The following BSCL2 variants were observed in gnomAD, a reference collection of about 807,000 sequenced individuals.
The protein encoded by BSCL2 is seipin.
Under a neutral mutation model 57.4 loss-of-function variants are expected in BSCL2, and 41 were observed. The observed-to-expected ratio is 0.71, with a 90% CI of 0.56 to 0.93. The LOEUF is 0.93. BSCL2 is among the 40% of genes least tolerant of loss of function. The pLI is 0.00. For synonymous variants in BSCL2, 237 were observed against 227.3 expected, an observed-to-expected ratio of 1.04 and a Z score of -0.38; for missense variants, 539 against 586.7, an observed-to-expected ratio of 0.92 and a Z score of 0.84.
At chr11:62,708,515 G>A, upstream of BSCL2, 1 of 1,231,120 alleles carries the variant, frequency 8.1e-7, no homozygotes, top group Admixed American at 1.9e-5. Context: ...GGAGGAGTCT[G>A]GGGCTCTGTA....
chr11:62,707,635 A>G (rs2083564849), upstream of BSCL2: 1 of 480,466 alleles, frequency 2.1e-6, no homozygotes, highest in African/African-American at 2.0e-5. Context: ...AGGCTCCCCC[A>G]CTGGCCAGGC....
rs374089937 is a variant in BSCL2, at chr11:62,706,285, G to C, written c.88-668C>G. 11 of 1,108,400 alleles carry C rather than the reference G, an allele frequency of 9.9e-6. No homozygotes were observed. The African/African-American group carries it at 1.4e-4, about 14-fold the overall frequency. The allele number at this position is 1,108,400 out of a possible 1,614,324, so 68.7% of individuals were successfully genotyped here. A position where few individuals can be genotyped will look rare whatever the true frequency, so the allele number is the denominator to read the frequency against. ...AGCCTCGCGCGCTGCCAGGGCAACC[G>C]TGAGACGGGACTTCCGGCTCCCGGG... is the stretch of plus-strand genomic sequence containing the variant. On this transcript the variant is annotated intron_variant, in intron 1 of 10. Coordinates refer to ENST00000360796, the MANE Select transcript of BSCL2 (RefSeq NM_001122955.4).
intron 3 of BSCL2, among the ~76,000 whole-genome samples, chr11:62,700,309 T>C (rs1369763647): frequency 6.6e-6 from 1 of 151,994 alleles, no homozygotes; most frequent in East Asian, 1.9e-4. Flanking sequence ...TGTGACATTC[T>C]ATCATTACAT....
At position 62,705,605 on chromosome 11, in the gene BSCL2, C is replaced by T. The variant is rs767605984; in HGVS notation, c.100G>A (p.Ala34Thr). The T allele has an allele frequency of 1.2e-5, 19 of 1,537,206 alleles. No individual in the cohort carries two copies. Among genetic ancestry groups the T allele is most frequent in the Non-Finnish European group, 1.5e-5 (17 of 1,137,772 alleles). The part of the protein sequence containing the change: ...GPDKEEEPPA[A>T]ASHGQGWRPG... ...CGCCACCCCTGGCCATGGGATGCAG[C>T]AGCTGGTGGTTCCTGGAAAGAGAGG... The change falls in exon 2 of 11, where the codon GCT (alanine) becomes ACT (threonine). Residue 34 changes from alanine to threonine, a missense_variant. This residue lies in a region of BSCL2 where 218 missense variants were observed against 224.8 expected (regional missense o/e 0.97). Coordinates refer to ENST00000360796, the MANE Select transcript of BSCL2 (RefSeq NM_001122955.4).
rs766061024 is a variant in BSCL2 at position 62,691,423 on chromosome 11, T to C, written c.864-2A>G. ...ATCGGGAAGTTGTATAGCAGGTATC[T>C]GAGGCAGGAAGTAGGGACAAGAAGG... On this transcript the variant is annotated splice_acceptor_variant, in intron 6 of 10. Transcript: ENST00000360796. LOFTEE classifies it high-confidence loss of function. 2 of 1,614,176 alleles carry C rather than the reference T, an allele frequency of 1.2e-6. No homozygotes were observed. Among genetic ancestry groups the C allele is most frequent in the East Asian group, 4.5e-5 (2 of 44,884 alleles).
rs192538368 is a variant in BSCL2, at chr11:62,694,082, G to A, written c.630+486C>T. On this transcript the variant is annotated intron_variant, in intron 4 of 10. Coordinates refer to ENST00000360796, the MANE Select transcript of BSCL2 (RefSeq NM_001122955.4). ...ACCCGCCTCGGCCTCCCAGAGTGTT[G>A]GGATTACAGGCATGAGCCACTGCGC... Among the ~76,000 whole-genome samples the A allele has an allele frequency of 4.1e-4, 62 of 151,748 alleles. No individual in the cohort carries two copies. The East Asian group carries it at 9.3e-3, about 23-fold the overall frequency.
Position 62,705,630 on chromosome 11 carries a change from G to A in BSCL2, c.88-13C>T. On this transcript the variant is annotated splice_polypyrimidine_tract_variant and intron_variant, in intron 1 of 10. Transcript: ENST00000360796. ...CAGCTGGTGGTTCCTGGAAAGAGAG[G>A]GTGAGGGAAAAGAGTGACTCCTTTC... 6.7e-7 allele frequency: 1 copy of A among 1,501,038 alleles called. No homozygotes were observed. The highest frequency in any genetic ancestry group is 2.4e-5 in the East Asian group (1 of 41,202). The allele number at this position is 1,501,038 out of a possible 1,614,324, so 93.0% of individuals were successfully genotyped here. A position where few individuals can be genotyped will look rare whatever the true frequency, so the allele number is the denominator to read the frequency against.
At chr11:62,706,295 A>C in intron 1 of BSCL2, 1 of 1,118,256 alleles carries the variant, frequency 8.9e-7, no homozygotes, top group Non-Finnish European at 1.1e-6. Context: ...GTGAGACGGG[A>C]CTTCCGGCTC....
chr11:62,707,465 G>A, upstream of BSCL2: 2 of 679,448 alleles, frequency 2.9e-6, no homozygotes, highest in Admixed American at 4.1e-5. Context: ...CCACTGCAGG[G>A]GCCGTCATAG....
rs201493373 is a variant in BSCL2 at position 62,705,581 on chromosome 11, G to A, written c.124C>T (p.Arg42Cys). 8.4e-4 allele frequency: 1,319 copies of A among 1,566,712 alleles called. 1 individual carries two copies. Among genetic ancestry groups the A allele is most frequent in the Non-Finnish European group, 1.1e-3 (1,233 of 1,152,738 alleles). ...PAAASHGQGWRPGGRAARNAR... is the reference protein window; with the variant it reads ...PAAASHGQGWCPGGRAARNAR... ...TTCCTAGCTGCTCTGCCACCTGGAC[G>A]CCACCCCTGGCCATGGGATGCAGCA... The change falls in exon 2 of 11, where the codon CGT becomes TGT. Residue 42 changes from arginine (R) to cysteine (C), a missense_variant. By Grantham distance (180) the Arg-to-Cys change is radical (BLOSUM62 -3). Transcript: ENST00000360796.
chr11:62,708,445 T>G, upstream of BSCL2: 2 of 1,379,228 alleles, frequency 1.5e-6, no homozygotes, highest in Non-Finnish European at 2.1e-6. Flanking sequence ...TGTGCTGTGC[T>G]GCAGGTTCCC....
At chr11:62,692,225 G>T in intron 6 of BSCL2, 151 bp downstream of exon 6, 1 of 794,116 alleles carries the variant, frequency 1.3e-6, no homozygotes, top group Non-Finnish European at 2.1e-6. Context: ...GAGCTGATAG[G>T]CCAATATGTG....
At chr11:62,692,240 C>T in intron 6 of BSCL2, 136 bp downstream of exon 6, 1 of 871,304 alleles carries the variant, frequency 1.1e-6, no homozygotes, top group Non-Finnish European at 1.9e-6. Context: ...TATGTGGCAG[C>T]TTTGAGACCC....
Position 62,690,387 on chromosome 11 carries a change from G to A in BSCL2, c.1369C>T (p.Pro457Ser), listed in dbSNP as rs769048111. Residue 457 changes from proline to serine, a missense_variant, in exon 11 of 11, where the codon CCC (proline) becomes TCC (serine). Physicochemically the swap from Pro to Ser is moderately conservative, Grantham distance 74. Coordinates refer to ENST00000360796, the MANE Select transcript of BSCL2 (RefSeq NM_001122955.4). Reference sequence around the variant, plus strand: ...TTTCTTCAGGAACTAGAGCAGGTGGGGCGCTGTCGGAGAGCACCCCCAGCA... The same window carrying A: ...TTTCTTCAGGAACTAGAGCAGGTGGAGCGCTGTCGGAGAGCACCCCCAGCA... ...EPAGGALRQR[P>S]TCSSS 8 of 1,614,060 alleles carry A rather than the reference G, an allele frequency of 5.0e-6. No homozygotes were observed. Among genetic ancestry groups the A allele is most frequent in the South Asian group, 1.1e-5 (1 of 91,080 alleles).
chr11:62,706,613 C>A, intron 1 of BSCL2: 1 of 471,248 alleles, frequency 2.1e-6, no homozygotes, highest in South Asian at 1.5e-5. Flanking sequence ...CCGTGCACAC[C>A]TTCACCACAG....
chr11:62,704,843 C>A (rs1334145504), intron 2 of BSCL2, among the ~76,000 whole-genome samples: 1 of 152,170 alleles, frequency 6.6e-6, no homozygotes, highest in Non-Finnish European at 1.5e-5. Flanking sequence ...CAAGTTTATG[C>A]GCCTACTCAT....
chr11:62,707,457 A>C, upstream of BSCL2: 1 of 687,306 alleles, frequency 1.5e-6, no homozygotes, highest in South Asian at 1.5e-5. Flanking sequence ...TACAGACTCC[A>C]CTGCAGGGGC....
upstream of BSCL2, chr11:62,709,321 G>A (rs2083594446): frequency 2.2e-6 from 1 of 454,016 alleles, no homozygotes. Flanking sequence ...GAGATCAGAG[G>A]GGTCGGGGGA....
intron 6 of BSCL2, 101 bp from the exon 7 acceptor site, chr11:62,691,522 G>C: frequency 7.1e-7 from 1 of 1,418,220 alleles, no homozygotes; most frequent in Admixed American, 1.8e-5. Flanking sequence ...AAGTGAGTTT[G>C]GTTACAGCTG....
Sources: allele counts gnomAD v4.1 joint callset (sites outside exome capture counted in the v4.1 genomes callset), GRCh38; gene constraint gnomAD v4.1.1; regional missense constraint gnomAD v4.1.1; transcripts MANE v1.5; gene names NCBI Gene and HGNC (gene_info 2026-07-23, HGNC 2026-07-21).